Variants in VEGFC observed in about 807,000 individuals in gnomAD.
VEGFC encodes FLT4 ligand DHM.
VEGFC carries 12 observed loss-of-function variants against 46.1 expected under a neutral mutation model. The ratio of observed to expected loss-of-function variants is 0.26; its 90% CI spans 0.17 to 0.42. The LOEUF (loss-of-function observed/expected upper bound fraction) is 0.42, where lower values mean the gene tolerates loss of function less well. Among genes scored for constraint, VEGFC ranks in the 10% least tolerant of loss-of-function variants. The probability of loss-of-function intolerance (pLI) is 1.00; values close to 1 mark genes in which losing one functional copy is unlikely to be tolerated. For synonymous variants in VEGFC, 232 were observed against 195.5 expected (o/e 1.19, Z -1.56); for missense variants, 488 against 529.4 (o/e 0.92, Z 0.77).
At chr4:176,701,602 C>CA (rs1290837456) in intron 4 of VEGFC, among the ~76,000 whole-genome samples, 2 of 152,194 alleles carry the variant, frequency 1.3e-5, no homozygotes, top group Non-Finnish European at 2.9e-5. Context: ...GTAACGCTCA[C>CA]AGCCTGGAAT....
intron 1 of VEGFC, among the ~76,000 whole-genome samples, chr4:176,743,436 T>C (rs533770046): frequency 2.0e-5 from 3 of 151,938 alleles, no homozygotes; most frequent in Non-Finnish European, 2.9e-5. Flanking sequence ...ATTAAAACTC[T>C]TGTCATGACA....
At chr4:176,777,918 C>CAA (rs773634012) in intron 1 of VEGFC, among the ~76,000 whole-genome samples, 593 of 57,164 alleles carry the variant, frequency 0.01, 63 homozygotes, top group Middle Eastern at 0.025. Flanking sequence ...GACTTTGTCT[C>CAA]AAAAAAAAAA....
chr4:176,788,673 T>G (rs1736041603), intron 1 of VEGFC, among the ~76,000 whole-genome samples: 1 of 152,188 alleles, frequency 6.6e-6, no homozygotes, highest in Admixed American at 6.5e-5. Flanking sequence ...TACTGCATAT[T>G]ATTAGCCCAG....
At chr4:176,742,319 T>C (rs1560952474) in intron 1 of VEGFC, among the ~76,000 whole-genome samples, 3 of 152,034 alleles carry the variant, frequency 2.0e-5, no homozygotes, top group Admixed American at 2.0e-4. Context: ...ACATTTTCTG[T>C]ATCCAGTCCC....
chr4:176,770,200 A>G (rs1052494329), intron 1 of VEGFC, among the ~76,000 whole-genome samples: 1 of 152,212 alleles, frequency 6.6e-6, no homozygotes, highest in African/African-American at 2.4e-5. Context: ...GAAAAGCTAC[A>G]TTAGTAAAAA....
Position 176,683,765 on chromosome 4 carries a change from C to T in VEGFC, c.*161G>A, listed in dbSNP as rs375585775. On this transcript the variant is annotated 3_prime_UTR_variant, in exon 7 of 7. Coordinates refer to ENST00000618562, the MANE Select transcript of VEGFC (RefSeq NM_005429.5). ...TTACAAGAGGCCTTTTGCAGATGAG[C>T]TCCAGTCCATTTCTGTAAAGTTATC... 9 of 524,194 alleles carry T rather than the reference C, an allele frequency of 1.7e-5. 1 individual carries two copies. Among genetic ancestry groups the T allele is most frequent in the African/African-American group, 1.2e-4 (6 of 52,070 alleles). 32.5% of individuals were successfully genotyped at this position (524,194 alleles called of 1,614,324 possible).
chr4:176,704,600 A>G (rs1235433790), intron 4 of VEGFC, among the ~76,000 whole-genome samples: 1 of 151,772 alleles, frequency 6.6e-6, no homozygotes, highest in African/African-American at 2.4e-5. Flanking sequence ...CACCATCTTT[A>G]TTATTTTTCA....
intron 3 of VEGFC, among the ~76,000 whole-genome samples, chr4:176,723,162 A>G (rs1402430232): frequency 6.6e-6 from 1 of 152,160 alleles, no homozygotes; most frequent in Non-Finnish European, 1.5e-5. Flanking sequence ...GCTTTTGCTC[A>G]TATTAACTAA....
chr4:176,749,690 G>C (rs1006422349), intron 1 of VEGFC, among the ~76,000 whole-genome samples: 1 of 151,630 alleles, frequency 6.6e-6, no homozygotes, highest in Non-Finnish European at 1.5e-5. Flanking sequence ...ATCTTAGAAA[G>C]TGGTCAAATA....
chr4:176,776,899 T>A, intron 1 of VEGFC, among the ~76,000 whole-genome samples: 1 of 152,388 alleles, frequency 6.6e-6, no homozygotes, highest in East Asian at 1.9e-4. Flanking sequence ...TATTCCATTA[T>A]TTATCTTTAA....
intron 3 of VEGFC, among the ~76,000 whole-genome samples, chr4:176,726,349 T>C (rs1734872866): frequency 6.6e-6 from 1 of 152,112 alleles, no homozygotes; most frequent in African/African-American, 2.4e-5. Flanking sequence ...ATGAATTGCA[T>C]CTGGCTAAGC....
At chr4:176,698,180 T>C (rs930834530) in intron 4 of VEGFC, among the ~76,000 whole-genome samples, 2 of 151,106 alleles carry the variant, frequency 1.3e-5, no homozygotes, top group East Asian at 1.9e-4. Flanking sequence ...CTAGCTCTTA[T>C]ACTTTCAACA....
Position 176,792,565 on chromosome 4 carries a change from C to G in VEGFC, c.-254G>C, listed in dbSNP as rs1163985619. On this transcript the variant is annotated 5_prime_UTR_variant, in exon 1 of 7. Transcript: ENST00000618562. This position sits in a 1 kb window ranked among gnomAD's most constrained non-coding sequence, Gnocchi z 6.3. ...AAAGCCTCACAGGAAACCGGACATC[C>G]GAGCTCCCCGCATTCGGAGCCCGCG... The G allele has an allele frequency of 5.6e-6, 2 of 355,646 alleles. No individual in the cohort carries two copies. The highest frequency in any genetic ancestry group is 4.3e-5 in the African/African-American group (2 of 46,934). The allele number at this position is 355,646 out of a possible 1,614,324, so 22.0% of individuals were successfully genotyped here.
At chr4:176,784,563 T>C (rs1295775686) in intron 1 of VEGFC, among the ~76,000 whole-genome samples, 4 of 151,306 alleles carry the variant, frequency 2.6e-5, no homozygotes, top group Admixed American at 2.6e-4. Context: ...CTGGCTAACA[T>C]GGTCAAACCC....
chr4:176,699,098 C>A (rs1025191343), intron 4 of VEGFC, among the ~76,000 whole-genome samples: 1 of 152,150 alleles, frequency 6.6e-6, no homozygotes, highest in African/African-American at 2.4e-5. Context: ...TAATCAAGTA[C>A]TCTCATTGGA....
chr4:176,774,931 A>G lies in VEGFC; in HGVS notation c.147+17234T>C, dbSNP rs73011348. ...CAGGTAAGAATATCGTTAGAGATCA[A>G]TTGGTCCAGCCTCAGACTAGGGCAA... On this transcript the variant is annotated intron_variant, in intron 1 of 6. Coordinates refer to ENST00000618562, the MANE Select transcript of VEGFC (RefSeq NM_005429.5). 2.8e-3 allele frequency among the ~76,000 whole-genome samples: 419 copies of G among 152,298 alleles called. 3 individuals carry two copies. The highest frequency in any genetic ancestry group is 9.3e-3 in the African/African-American group (387 of 41,552).
At chr4:176,753,939 T>G (rs1474411638) in intron 1 of VEGFC, among the ~76,000 whole-genome samples, 1 of 152,114 alleles carries the variant, frequency 6.6e-6, no homozygotes, top group Non-Finnish European at 1.5e-5. Context: ...TGTACTATGT[T>G]GCAGACTACA....
chr4:176,719,678 C>T (rs1297339936), intron 3 of VEGFC, among the ~76,000 whole-genome samples: 1 of 152,156 alleles, frequency 6.6e-6, no homozygotes, highest in African/African-American at 2.4e-5. Flanking sequence ...TCACTGTACA[C>T]CTACACTTTG....
intron 1 of VEGFC, among the ~76,000 whole-genome samples, chr4:176,760,956 G>C (rs1735520101): frequency 6.6e-6 from 1 of 152,196 alleles, no homozygotes; most frequent in East Asian, 1.9e-4. Flanking sequence ...GTAGGAAAAA[G>C]AAGTTTATGA....
Sources: allele counts gnomAD v4.1 joint callset (sites outside exome capture counted in the v4.1 genomes callset), GRCh38; gene constraint gnomAD v4.1.1; non-coding constraint Gnocchi (gnomAD v3.1); transcripts MANE v1.5; gene names NCBI Gene and HGNC (gene_info 2026-07-23, HGNC 2026-07-21).